Variants in TNS3 observed in about 807,000 individuals in gnomAD.
TNS3 encodes the protein tensin-3.
A neutral mutation model predicts 140.9 loss-of-function variants in TNS3; 45 were observed. The observed-to-expected ratio is 0.32, with a 90% CI of 0.25 to 0.41. TNS3 has a LOEUF of 0.41. Ranked by LOEUF, TNS3 falls within the 10% of genes least tolerant of loss-of-function variation. TNS3 has a pLI of 1.00. For synonymous variants in TNS3, 815 were observed against 788.4 expected, an observed-to-expected ratio of 1.03 and a Z score of -0.56; for missense variants, 1,716 against 1,906.7, an observed-to-expected ratio of 0.90 and a Z score of 1.86.
At position 47,354,935 on chromosome 7, in the gene TNS3, C is replaced by T. The variant is rs143829973; in HGVS notation, c.2282-8579G>A. Among the ~76,000 whole-genome samples the T allele has an allele frequency of 3.5e-3, 532 of 152,324 alleles. 3 individuals are homozygous for T. The highest frequency in any genetic ancestry group is 6.8e-3 in the Middle Eastern group (2 of 294). ...CCCACACCAGGCATTTAGCTGTCTT[C>T]GCCCAAGCCTCCTTCCCTCCAGACA... On this transcript the variant is annotated intron_variant, in intron 17 of 30. Coordinates refer to ENST00000311160, the MANE Select transcript of TNS3 (RefSeq NM_022748.12).
At chr7:47,298,876 G>A (rs986269869) in intron 23 of TNS3, among the ~76,000 whole-genome samples, 5 of 152,232 alleles carry the variant, frequency 3.3e-5, no homozygotes, top group African/African-American at 1.2e-4. Flanking sequence ...ACATGCCCCT[G>A]GGGATGAAGC....
intron 4 of TNS3, among the ~76,000 whole-genome samples, chr7:47,454,905 C>A (rs1180266959): frequency 6.6e-6 from 1 of 152,152 alleles, no homozygotes; most frequent in African/African-American, 2.4e-5. Flanking sequence ...CTGAAAGTGC[C>A]CTGCAGCAGG....
intron 16 of TNS3, among the ~76,000 whole-genome samples, chr7:47,373,967 G>T (rs1182927476): frequency 2.6e-5 from 4 of 152,152 alleles, no homozygotes; most frequent in Admixed American, 2.6e-4. Context: ...TGCAACCCAG[G>T]TGTCCCCACT....
chr7:47,541,720 G>C (rs1194284740), intron 1 of TNS3, among the ~76,000 whole-genome samples: 1 of 152,062 alleles, frequency 6.6e-6, no homozygotes, highest in South Asian at 2.1e-4. Flanking sequence ...AGGCTGAGGC[G>C]AGCGGATCAC....
At chr7:47,521,261 T>C (rs148256374) in intron 2 of TNS3, among the ~76,000 whole-genome samples, 1 of 152,264 alleles carries the variant, frequency 6.6e-6, no homozygotes, top group Admixed American at 6.5e-5. Flanking sequence ...ATACCTCTGA[T>C]AAAGCACTCC....
At chr7:47,514,979 G>T (rs766839866) in intron 2 of TNS3, among the ~76,000 whole-genome samples, 5 of 152,188 alleles carry the variant, frequency 3.3e-5, no homozygotes, top group Admixed American at 6.5e-5. Flanking sequence ...AGAACGGGTT[G>T]CCTCAGAGTC....
intron 17 of TNS3, among the ~76,000 whole-genome samples, chr7:47,348,041 C>T (rs1789450047): frequency 1.3e-5 from 2 of 152,198 alleles, no homozygotes; most frequent in African/African-American, 4.8e-5. Flanking sequence ...GTGCTGCAGG[C>T]CAGGGAGGGG....
intron 4 of TNS3, among the ~76,000 whole-genome samples, chr7:47,480,546 A>G (rs1797375516): frequency 6.6e-6 from 1 of 152,250 alleles, no homozygotes. Flanking sequence ...AGAAAACACC[A>G]GGAGGTACCA....
At chr7:47,288,028 G>T (rs977301609) in intron 27 of TNS3, among the ~76,000 whole-genome samples, 6 of 152,214 alleles carry the variant, frequency 3.9e-5, no homozygotes, top group African/African-American at 1.4e-4. Flanking sequence ...GCACTGTTAT[G>T]ATCAACTAAA....
At chr7:47,376,616 TGAATA>T (rs1261951210) in intron 16 of TNS3, among the ~76,000 whole-genome samples, 2 of 151,988 alleles carry the variant, frequency 1.3e-5, no homozygotes, top group African/African-American at 2.4e-5. Context: ...ACAAGCCTAC[TGAATA>T]GAATATCTGA....
At chr7:47,524,808 CAAGAAAA>C (rs1185313929) in intron 2 of TNS3, among the ~76,000 whole-genome samples, 19 of 25,256 alleles carry the variant, frequency 7.5e-4, no homozygotes, top group Middle Eastern at 0.12. Flanking sequence ...GACTCCGTCT[CAAGAAAA>C]AAAAAAAAAA....
At chr7:47,320,263 A>G (rs1040702604) in intron 20 of TNS3, among the ~76,000 whole-genome samples, 3 of 152,084 alleles carry the variant, frequency 2.0e-5, no homozygotes, top group Admixed American at 6.5e-5. Flanking sequence ...CTGCACCTGG[A>G]GGGAAACACA....
chr7:47,456,570 G>C (rs1464158123), intron 4 of TNS3, among the ~76,000 whole-genome samples: 1 of 152,140 alleles, frequency 6.6e-6, no homozygotes, highest in African/African-American at 2.4e-5. Context: ...TTACTATTGG[G>C]GCAATCAACG....
intron 1 of TNS3, chr7:47,557,048 G>T: frequency 2.2e-6 from 1 of 456,780 alleles, no homozygotes; most frequent in Non-Finnish European, 4.4e-6. Flanking sequence ...TGTGCAGGGT[G>T]TGCAGGGTGC....
At chr7:47,536,358 T>G (rs1799597454) in intron 1 of TNS3, among the ~76,000 whole-genome samples, 1 of 122,148 alleles carries the variant, frequency 8.2e-6, no homozygotes, top group Non-Finnish European at 1.8e-5. Context: ...AAAGGGAGGC[T>G]GAACCTAGCG....
At chr7:47,425,792 T>C (rs976960244) in intron 9 of TNS3, among the ~76,000 whole-genome samples, 2 of 152,218 alleles carry the variant, frequency 1.3e-5, no homozygotes, top group South Asian at 4.1e-4. Context: ...CTTATTTCTA[T>C]GGTGTTGATA....
chr7:47,297,715 C>T (rs1249702407), intron 23 of TNS3, among the ~76,000 whole-genome samples: 1 of 152,000 alleles, frequency 6.6e-6, no homozygotes, highest in Non-Finnish European at 1.5e-5. Flanking sequence ...ACACTGCCCC[C>T]TGTGGCATTT....
rs551732054 is a variant in TNS3 at position 47,578,173 on chromosome 7, C to T, written c.-265+3878G>A. Among the ~76,000 whole-genome samples, 4 of 151,992 alleles carry T rather than the reference C, an allele frequency of 2.6e-5. No homozygotes were observed. The South Asian group carries it at 8.3e-4, about 32-fold the overall frequency. On this transcript the variant is annotated intron_variant, in intron 1 of 30. Transcript: ENST00000311160. Reference sequence around the variant, plus strand: ...ACTAAAAATACAAAAATTAGCTGGGCATGGTGGTATGCGCCTGTAATCCCA... The same window carrying T: ...ACTAAAAATACAAAAATTAGCTGGGTATGGTGGTATGCGCCTGTAATCCCA...
intron 13 of TNS3, among the ~76,000 whole-genome samples, chr7:47,406,311 TGCAGCAGCTC>T (rs2151379904): frequency 6.6e-6 from 1 of 152,320 alleles, no homozygotes; most frequent in East Asian, 1.9e-4. Context: ...TGCTGTTGCC[TGCAGCAGCTC>T]CATCTGCTAG....
Sources: gnomAD v4.1 joint callset for allele counts (sites outside exome capture counted in the v4.1 genomes callset) on GRCh38, gnomAD v4.1.1 for gene constraint, MANE v1.5 for transcripts, NCBI Gene and HGNC (gene_info 2026-07-23, HGNC 2026-07-21) for gene names.